GPC6: variants seen among roughly 807,000 people sequenced by gnomAD.
GPC6 encodes the protein glypican 6, also known as glypican-6.
A neutral mutation model predicts 55.2 loss-of-function variants in GPC6; 14 were observed. The observed-to-expected ratio is 0.25, with a 90% CI of 0.17 to 0.40. The LOEUF (loss-of-function observed/expected upper bound fraction) is 0.40, where lower values mean the gene tolerates loss of function less well. Among genes scored for constraint, GPC6 ranks in the 10% least tolerant of loss-of-function variants. The pLI, the probability that GPC6 is intolerant of heterozygous loss-of-function variation, is 1.00. For synonymous variants in GPC6, 278 were observed against 259.6 expected (o/e 1.07, Z -0.68); for missense variants, 641 against 708.5 (o/e 0.90, Z 1.08).
intron 1 of GPC6, among the ~76,000 whole-genome samples, chr13:93,341,522 G>T (rs1194792510): frequency 1.3e-5 from 2 of 152,242 alleles, no homozygotes; most frequent in African/African-American, 4.8e-5. Context: ...TTTTTCCTAA[G>T]TTTGATGGCT....
chr13:93,597,629 TAGCCTCCTC>T (rs1319936654), intron 2 of GPC6, among the ~76,000 whole-genome samples: 2 of 152,158 alleles, frequency 1.3e-5, no homozygotes, highest in Non-Finnish European at 2.9e-5. Context: ...TGCCTCTCCT[TAGCCTCCTC>T]AGCGTGAAGA....
chr13:93,412,183 G>A (rs886150528), intron 1 of GPC6, among the ~76,000 whole-genome samples: 12 of 152,040 alleles, frequency 7.9e-5, no homozygotes, highest in African/African-American at 2.9e-4. Flanking sequence ...AGGGAAATGG[G>A]TGACTAGTGT....
intron 3 of GPC6, among the ~76,000 whole-genome samples, chr13:93,941,785 T>A (rs1482820146): frequency 1.3e-5 from 2 of 152,206 alleles, no homozygotes; most frequent in Non-Finnish European, 2.9e-5. Flanking sequence ...TGTAGGACAT[T>A]GTCTCAAGTC....
At chr13:94,009,566 G>A (rs190470927) in intron 3 of GPC6, among the ~76,000 whole-genome samples, 18 of 152,198 alleles carry the variant, frequency 1.2e-4, no homozygotes, top group Non-Finnish European at 2.9e-5. Flanking sequence ...TTGACAGTAG[G>A]CTCAGTCTTA....
At chr13:93,580,816 A>G (rs1393135309) in intron 2 of GPC6, among the ~76,000 whole-genome samples, 7 of 152,222 alleles carry the variant, frequency 4.6e-5, no homozygotes, top group Admixed American at 4.6e-4. Flanking sequence ...AGGAGTTCTA[A>G]GTTACAACAA....
chr13:94,288,949 A>AACAAATATATATATATTT (rs1874782017), intron 5 of GPC6, among the ~76,000 whole-genome samples: 1 of 19,768 alleles, frequency 5.1e-5, no homozygotes. Flanking sequence ...ATAGATAGAT[A>AACAAATATATATATATTT]GATATATAGA....
At chr13:94,187,817 G>A (rs893469975) in intron 4 of GPC6, 2 of 152,184 alleles carry the variant, frequency 1.3e-5, no homozygotes, top group Non-Finnish European at 2.9e-5. Context: ...GATATACCTA[G>A]TAAGATATAT....
intron 2 of GPC6, among the ~76,000 whole-genome samples, chr13:93,693,973 G>A (rs529982552): frequency 6.6e-6 from 1 of 152,282 alleles, no homozygotes; most frequent in East Asian, 1.9e-4. Flanking sequence ...AAGTATGTAT[G>A]TAAGTAACTG....
chr13:94,067,908 A>T (rs1456188400), intron 4 of GPC6, among the ~76,000 whole-genome samples: 1 of 152,206 alleles, frequency 6.6e-6, no homozygotes, highest in East Asian at 1.9e-4. Flanking sequence ...AACAAAGATG[A>T]TCTAAGTTCA....
At chr13:94,139,162 C>T (rs1208112140) in intron 4 of GPC6, among the ~76,000 whole-genome samples, 1 of 151,800 alleles carries the variant, frequency 6.6e-6, no homozygotes, top group African/African-American at 2.4e-5. Context: ...GAAGGACCCG[C>T]AAAACCTGTA....
chr13:93,715,014 C>A (rs1883202256), intron 2 of GPC6, among the ~76,000 whole-genome samples: 1 of 151,544 alleles, frequency 6.6e-6, no homozygotes, highest in African/African-American at 2.4e-5. Flanking sequence ...CAATGAAGGT[C>A]AGTTTTGCTG....
At chr13:94,025,683 C>T (rs1434977156) in intron 3 of GPC6, 1 of 152,118 alleles carries the variant, frequency 6.6e-6, no homozygotes, top group African/African-American at 2.4e-5. Flanking sequence ...CAACAGACTC[C>T]TCACCTTTAT....
chr13:93,617,169 T>G (rs1878758253), intron 2 of GPC6, among the ~76,000 whole-genome samples: 1 of 152,098 alleles, frequency 6.6e-6, no homozygotes, highest in Non-Finnish European at 1.5e-5. Flanking sequence ...CTGTTGAAGA[T>G]CTTAGTGATA....
intron 1 of GPC6, among the ~76,000 whole-genome samples, chr13:93,457,408 A>T (rs935059502): frequency 6.6e-6 from 1 of 152,186 alleles, no homozygotes; most frequent in East Asian, 1.9e-4. Flanking sequence ...TGAATTTTGG[A>T]GAGACAAAAT....
At chr13:93,851,409 A>G (rs1888231) in intron 3 of GPC6, among the ~76,000 whole-genome samples, 64,109 of 151,590 alleles carry the variant, frequency 0.42, 14,813 homozygotes, top group African/African-American at 0.61. Context: ...GTGTATCCTA[A>G]AAAAATTGGC....
At chr13:93,932,955 T>TTTTTG (rs1566609999) in intron 3 of GPC6, among the ~76,000 whole-genome samples, 1 of 151,164 alleles carries the variant, frequency 6.6e-6, no homozygotes, top group Non-Finnish European at 1.5e-5. Flanking sequence ...CAGGGCTGTT[T>TTTTTG]TTTTGTTTTG....
intron 4 of GPC6, among the ~76,000 whole-genome samples, chr13:94,111,053 A>G (rs1292743537): frequency 6.6e-6 from 1 of 152,110 alleles, no homozygotes; most frequent in Non-Finnish European, 1.5e-5. Flanking sequence ...ACAGCATCTA[A>G]TTAGATAGCA....
intron 3 of GPC6, among the ~76,000 whole-genome samples, chr13:93,959,930 G>T (rs1163918725): frequency 1.3e-5 from 2 of 152,108 alleles, no homozygotes; most frequent in East Asian, 3.9e-4. Context: ...TTTCCTTTCT[G>T]CCTCTAAAAA....
intron 1 of GPC6, among the ~76,000 whole-genome samples, chr13:93,406,274 C>A (rs1876287526): frequency 6.6e-6 from 1 of 152,090 alleles, no homozygotes; most frequent in Admixed American, 6.6e-5. Context: ...TGTTGTGCAG[C>A]CTTAGAATCC....
Sources: gnomAD v4.1 joint callset for allele counts (sites outside exome capture counted in the v4.1 genomes callset) on GRCh38, gnomAD v4.1.1 for gene constraint, MANE v1.5 for transcripts, NCBI Gene and HGNC (gene_info 2026-07-23, HGNC 2026-07-21) for gene names.